The following LRPPRC variants were observed in gnomAD, a reference collection of about 807,000 sequenced individuals.
LRPPRC encodes leucine-rich PPR motif-containing protein, mitochondrial.
A neutral mutation model predicts 180.3 loss-of-function variants in LRPPRC; 120 were observed. The observed-to-expected ratio is 0.67, with a 90% CI of 0.57 to 0.77. The LOEUF (loss-of-function observed/expected upper bound fraction) is 0.77. Among genes scored for constraint, LRPPRC ranks in the 30% least tolerant of loss-of-function variants. The probability of loss-of-function intolerance (pLI) is 0.00; values close to 1 mark genes in which losing one functional copy is unlikely to be tolerated. For synonymous variants in LRPPRC, 723 were observed against 600.0 expected, an observed-to-expected ratio of 1.21 and a Z score of -3.00; for missense variants, 2,012 against 1,657.2, an observed-to-expected ratio of 1.21 and a Z score of -3.72.
intron 3 of LRPPRC, among the ~76,000 whole-genome samples, chr2:43,977,708 T>G (rs1218287332): frequency 6.6e-6 from 1 of 152,154 alleles, no homozygotes; most frequent in African/African-American, 2.4e-5. Flanking sequence ...CTCAAAGCCT[T>G]CATTTTAAGG....
chr2:43,902,949 T>A (rs1167883166), intron 31 of LRPPRC: 2 of 152,186 alleles, frequency 1.3e-5, no homozygotes, highest in Non-Finnish European at 2.9e-5. Context: ...ACAACTACCC[T>A]TCCGAGACAA....
At chr2:43,994,302 A>G (rs1240775156) in intron 1 of LRPPRC, among the ~76,000 whole-genome samples, 1 of 152,232 alleles carries the variant, frequency 6.6e-6, no homozygotes, top group African/African-American at 2.4e-5. Flanking sequence ...CTAAGTTGTT[A>G]AGAAATCATA....
At chr2:43,963,153 T>C (rs1052307464) in intron 12 of LRPPRC, among the ~76,000 whole-genome samples, 3 of 152,156 alleles carry the variant, frequency 2.0e-5, no homozygotes, top group African/African-American at 4.8e-5. Flanking sequence ...CTTTAGAAAA[T>C]TGTATACAGG....
chr2:43,893,400 G>A (rs1292734177), intron 36 of LRPPRC, among the ~76,000 whole-genome samples: 1 of 152,152 alleles, frequency 6.6e-6, no homozygotes, highest in Non-Finnish European at 1.5e-5. Flanking sequence ...CAGCTGATGT[G>A]GCAAACTTTA....
intron 23 of LRPPRC, among the ~76,000 whole-genome samples, chr2:43,941,449 T>C (rs1473578878): frequency 1.3e-5 from 2 of 152,198 alleles, no homozygotes; most frequent in African/African-American, 4.8e-5. Context: ...TTTGAATAAA[T>C]AAAGCTCATT....
Position 43,957,378 on chromosome 2 carries a change from A to T in LRPPRC, c.1649+7T>A. On this transcript the variant is annotated splice_region_variant and intron_variant, in intron 14 of 37. Coordinates refer to ENST00000260665, the MANE Select transcript of LRPPRC (RefSeq NM_133259.4). ...CAGGCAAGGAACATTTAAGTTGATC[A>T]TCTTACCTCCTGAAGCCTAGCAGTA... 6.2e-7 allele frequency: 1 copy of T among 1,605,094 alleles called. No homozygotes were observed. The highest frequency in any genetic ancestry group is 1.1e-5 in the South Asian group (1 of 90,892).
intron 23 of LRPPRC, among the ~76,000 whole-genome samples, chr2:43,939,155 C>A (rs1352062619): frequency 6.6e-6 from 1 of 151,366 alleles, no homozygotes; most frequent in Non-Finnish European, 1.5e-5. Context: ...GCGGTGAGCA[C>A]CTGTAGTCCC....
intron 23 of LRPPRC, among the ~76,000 whole-genome samples, chr2:43,941,506 G>A (rs1400741415): frequency 6.6e-6 from 1 of 152,108 alleles, no homozygotes; most frequent in Non-Finnish European, 1.5e-5. Flanking sequence ...TGATATTACT[G>A]AAGATTATAC....
intron 25 of LRPPRC, among the ~76,000 whole-genome samples, chr2:43,932,494 G>A (rs1672127508): frequency 6.6e-6 from 1 of 152,128 alleles, no homozygotes; most frequent in Non-Finnish European, 1.5e-5. Flanking sequence ...CGAAAATTCT[G>A]TCATCAGCAG....
chr2:43,910,213 G>C (rs1315364950), intron 30 of LRPPRC, among the ~76,000 whole-genome samples: 1 of 149,788 alleles, frequency 6.7e-6, no homozygotes, highest in Non-Finnish European at 1.5e-5. Flanking sequence ...CCAGGGTAAG[G>C]CAAGGAAACC....
chr2:43,888,387 G>A lies in LRPPRC; in HGVS notation c.*213C>T, dbSNP rs926644428. ...GGCTTCACACAGCAGCAGCATTGAA[G>A]AAAACACTATCGATTTTTCCCAGAG... On this transcript the variant is annotated 3_prime_UTR_variant, in exon 38 of 38. Coordinates refer to ENST00000260665, the MANE Select transcript of LRPPRC (RefSeq NM_133259.4). The A allele has an allele frequency of 4.1e-6, 2 of 487,932 alleles. No individual in the cohort carries two copies. Among genetic ancestry groups the A allele is most frequent in the African/African-American group, 3.9e-5 (2 of 50,992 alleles). 30.2% of individuals were successfully genotyped at this position (487,932 alleles called of 1,614,324 possible). A position where few individuals can be genotyped will look rare whatever the true frequency, so the allele number is the denominator to read the frequency against.
chr2:43,973,835 C>G lies in LRPPRC; in HGVS notation c.1221G>C (p.Leu407=), dbSNP rs752147549. 8 of 1,613,830 alleles carry G rather than the reference C, an allele frequency of 5.0e-6. No individual in the cohort carries two copies. The highest frequency in any genetic ancestry group is 2.2e-5 in the South Asian group (2 of 91,072). Reference sequence around the variant, plus strand: ...GTAAAGCACAATGGAGGGTGAACTGCAGAGGAAAGGAGTGCATCTGGACTT... The same window carrying G: ...GTAAAGCACAATGGAGGGTGAACTGGAGAGGAAAGGAGTGCATCTGGACTT... ...LKEVQMHSFP[L]QFTLHCALLA... is the part of the protein sequence containing the mutation. Residue 407 remains leucine, a synonymous_variant, in exon 10 of 38, where the codon CTG becomes CTC. Coordinates refer to ENST00000260665, the MANE Select transcript of LRPPRC (RefSeq NM_133259.4).
chr2:43,990,571 A>G (rs1438780987), intron 1 of LRPPRC, among the ~76,000 whole-genome samples: 1 of 152,170 alleles, frequency 6.6e-6, no homozygotes, highest in African/African-American at 2.4e-5. Context: ...CACGGGATAA[A>G]CGGCCTCCAA....
chr2:43,923,566 G>T (rs957726960), intron 27 of LRPPRC, among the ~76,000 whole-genome samples: 1 of 152,188 alleles, frequency 6.6e-6, no homozygotes, highest in Non-Finnish European at 1.5e-5. Context: ...CCTGGCCTTA[G>T]ACTACCACAT....
chr2:43,945,452 A>T (rs371553616), intron 21 of LRPPRC, 35 bp from the exon 22 acceptor site: 3 of 1,229,720 alleles, frequency 2.4e-6, no homozygotes, highest in African/African-American at 3.0e-5. Flanking sequence ...TTGTTTTAAA[A>T]GTCAATTAAC....
At chr2:43,955,950 T>A (rs1048225455) in intron 14 of LRPPRC, among the ~76,000 whole-genome samples, 2 of 152,088 alleles carry the variant, frequency 1.3e-5, no homozygotes, top group South Asian at 4.1e-4. Flanking sequence ...GTGATCAAAC[T>A]TTGGTGGTGG....
intron 36 of LRPPRC, chr2:43,890,175 G>C (rs1298289813): frequency 2.3e-6 from 1 of 426,602 alleles, no homozygotes; most frequent in South Asian, 2.2e-5. Context: ...ACCTATGATA[G>C]TTCAAGTGAC....
intron 14 of LRPPRC, among the ~76,000 whole-genome samples, chr2:43,952,559 CTGT>C (rs1237729224): frequency 6.6e-6 from 1 of 152,138 alleles, no homozygotes; most frequent in Non-Finnish European, 1.5e-5. Context: ...TTTGGAATTT[CTGT>C]TGTTGTTAGC....
At chr2:43,921,467 AAAG>A (rs1671697361) in intron 27 of LRPPRC, among the ~76,000 whole-genome samples, 1 of 152,220 alleles carries the variant, frequency 6.6e-6, no homozygotes, top group Non-Finnish European at 1.5e-5. Context: ...AGTAAAACAA[AAAG>A]AAGCCACAAT....
Sources: allele counts gnomAD v4.1 joint callset (sites outside exome capture counted in the v4.1 genomes callset), GRCh38; gene constraint gnomAD v4.1.1; transcripts MANE v1.5; gene names NCBI Gene and HGNC (gene_info 2026-07-23, HGNC 2026-07-21).